SLC16A14: variants seen among roughly 807,000 people sequenced by gnomAD.
SLC16A14 encodes the protein monocarboxylate transporter 14.
Under a neutral mutation model 35.8 loss-of-function variants are expected in SLC16A14, and 14 were observed. The ratio of observed to expected loss-of-function variants is 0.39; its 90% CI spans 0.26 to 0.61. The LOEUF (loss-of-function observed/expected upper bound fraction) is 0.61. SLC16A14 is among the 20% of genes least tolerant of loss of function. The probability of loss-of-function intolerance (pLI) is 0.51; values close to 1 mark genes in which losing one functional copy is unlikely to be tolerated. For synonymous variants in SLC16A14, 248 were observed against 258.9 expected, an observed-to-expected ratio of 0.96 and a Z score of 0.40; for missense variants, 533 against 655.0, an observed-to-expected ratio of 0.81 and a Z score of 2.03.
chr2:230,043,732 G>A (rs1374292834), intron 4 of SLC16A14, among the ~76,000 whole-genome samples: 2 of 152,362 alleles, frequency 1.3e-5, no homozygotes, highest in South Asian at 4.1e-4. Flanking sequence ...CCTCTGCCAT[G>A]CTATGCAGAC....
intron 1 of SLC16A14, among the ~76,000 whole-genome samples, chr2:230,061,826 C>T (rs1030478239): frequency 6.0e-5 from 9 of 150,896 alleles, no homozygotes; most frequent in African/African-American, 2.2e-4. Flanking sequence ...TCTGCAACCT[C>T]TGCATCCTGG....
chr2:230,065,099 C>T (rs1049961002), intron 1 of SLC16A14, among the ~76,000 whole-genome samples: 1 of 152,168 alleles, frequency 6.6e-6, no homozygotes, highest in East Asian at 1.9e-4. Flanking sequence ...ATGATAAGAA[C>T]TTTATATTCT....
At chr2:230,064,890 A>G (rs1028918706) in intron 1 of SLC16A14, among the ~76,000 whole-genome samples, 2 of 152,010 alleles carry the variant, frequency 1.3e-5, no homozygotes. Context: ...CATGCCTGTA[A>G]TCCCAGCTAC....
Position 230,045,809 on chromosome 2 carries a change from G to A in SLC16A14, c.1317C>T (p.Ala439=), listed in dbSNP as rs1168535016. ...CACAGATGATGATGCCGTAGGCATT[G>A]GCCAGGTGTTCAATGCCAACCAAGT... ...TEDLVGIEHL[A]NAYGIIICAN... Residue 439 remains alanine (A), a synonymous_variant, in exon 4 of 5, where the codon GCC becomes GCT. Transcript: ENST00000295190. The A allele has an allele frequency of 1.2e-6, 2 of 1,614,210 alleles. No homozygotes were observed. Among genetic ancestry groups the A allele is most frequent in the Non-Finnish European group, 8.5e-7 (1 of 1,180,042 alleles).
At chr2:230,067,567 T>TCACA (rs1409871891) in intron 1 of SLC16A14, among the ~76,000 whole-genome samples, 48 of 110,654 alleles carry the variant, frequency 4.3e-4, no homozygotes, top group African/African-American at 1.3e-3. Flanking sequence ...TCTCTCTCTC[T>TCACA]CTCTCACACA....
chr2:230,067,571 T>TCTCTCTCACA (rs1269765776), intron 1 of SLC16A14, among the ~76,000 whole-genome samples: 2 of 143,720 alleles, frequency 1.4e-5, no homozygotes, highest in African/African-American at 5.6e-5. Context: ...TCTCTCTCTC[T>TCTCTCTCACA]CACACACACA....
chr2:230,039,903 CTATT>C (rs990147784), intron 4 of SLC16A14, among the ~76,000 whole-genome samples: 10 of 152,256 alleles, frequency 6.6e-5, no homozygotes, highest in Admixed American at 1.3e-4. Flanking sequence ...TTCGTTCAGA[CTATT>C]TATTTACGTT....
intron 2 of SLC16A14, among the ~76,000 whole-genome samples, chr2:230,053,396 A>G (rs971993507): frequency 1.3e-5 from 2 of 152,234 alleles, no homozygotes; most frequent in Non-Finnish European, 2.9e-5. Context: ...ACACTTTTAT[A>G]GAGTAATTCA....
At position 230,035,225 on chromosome 2, in the gene SLC16A14, A is replaced by G. The variant is rs1030851816; in HGVS notation, c.*2155T>C. 3.3e-5 allele frequency: 5 copies of G among 152,552 alleles called. No individual in the cohort carries two copies. Among genetic ancestry groups the G allele is most frequent in the Admixed American group, 1.3e-4 (2 of 15,278 alleles). The allele number at this position is 152,552 out of a possible 1,614,324, so 9.4% of individuals were successfully genotyped here. On this transcript the variant is annotated 3_prime_UTR_variant, in exon 5 of 5. Coordinates refer to ENST00000295190, the MANE Select transcript of SLC16A14 (RefSeq NM_152527.5). ...TTTTTGACAATGGGAACTTCCACTC[A>G]TTCGGTAGAAGTCACCACTTTCAAA...
At chr2:230,053,103 A>T (rs2077675854) in intron 2 of SLC16A14, among the ~76,000 whole-genome samples, 1 of 151,902 alleles carries the variant, frequency 6.6e-6, no homozygotes, top group Non-Finnish European at 1.5e-5. Flanking sequence ...CACCATGCCC[A>T]GCTAATTTTT....
chr2:230,056,134 G>A lies in SLC16A14; in HGVS notation c.259+2960C>T, dbSNP rs1035737404. 9.2e-5 allele frequency among the ~76,000 whole-genome samples: 14 copies of A among 152,014 alleles called. No individual in the cohort carries two copies. In the South Asian group the frequency reaches 2.1e-3, roughly 22 times the overall value. ...CCTTTATTTAATTTTAAAACTATCC[G>A]TATTAATTCCCTTCCAGTAAACATA... On this transcript the variant is annotated intron_variant, in intron 2 of 4. Coordinates refer to ENST00000295190, the MANE Select transcript of SLC16A14 (RefSeq NM_152527.5).
chr2:230,051,116 G>A (rs964675849), intron 2 of SLC16A14, among the ~76,000 whole-genome samples: 4 of 152,100 alleles, frequency 2.6e-5, no homozygotes, highest in African/African-American at 9.7e-5. Context: ...TTTATGAGAC[G>A]CATTCTGATT....
At chr2:230,044,576 G>A (rs542673776) in intron 4 of SLC16A14, among the ~76,000 whole-genome samples, 1 of 152,134 alleles carries the variant, frequency 6.6e-6, no homozygotes, top group Non-Finnish European at 1.5e-5. Flanking sequence ...GGAGCAAGAG[G>A]GCACGCGCCA....
intron 4 of SLC16A14, among the ~76,000 whole-genome samples, chr2:230,037,759 C>T (rs761277579): frequency 6.6e-6 from 1 of 151,384 alleles, no homozygotes; most frequent in Non-Finnish European, 1.5e-5. Context: ...CACCAGTGTT[C>T]CCCGTGCCTA....
In SLC16A14 at chr2:230,049,782, T is replaced by G; in HGVS notation, c.382A>C (p.Ile128Leu). The G allele has an allele frequency of 6.2e-7, 1 of 1,613,798 alleles. No homozygotes were observed. The change falls in exon 3 of 5, where the codon ATT becomes CTT. Residue 128 changes from isoleucine (I) to leucine (L), a missense_variant. By Grantham distance (5) the Ile-to-Leu change is conservative. Transcript: ENST00000295190. ...AYAANVHYLF[I>L]TFGVAAGLGS... ...TTACCAGCTGCGACTCCAAAAGTAA[T>G]GAAGAGATAATGCACGTTTGCAGCA...
At chr2:230,048,718 G>T (rs1035363667) in intron 3 of SLC16A14, among the ~76,000 whole-genome samples, 1 of 152,078 alleles carries the variant, frequency 6.6e-6, no homozygotes, top group Non-Finnish European at 1.5e-5. Flanking sequence ...GAGGTTGGGA[G>T]TTCGAGACCA....
chr2:230,053,396 A>T (rs971993507), intron 2 of SLC16A14, among the ~76,000 whole-genome samples: 4 of 152,234 alleles, frequency 2.6e-5, no homozygotes, highest in African/African-American at 9.6e-5. Context: ...ACACTTTTAT[A>T]GAGTAATTCA....
chr2:230,066,654 T>TG (rs71049619), intron 1 of SLC16A14: 4 of 437,332 alleles, frequency 9.1e-6, no homozygotes, highest in African/African-American at 2.1e-5. Context: ...TTTTTTTTTT[T>TG]GACAGAGTAT....
chr2:230,046,786 G>C lies in SLC16A14; in HGVS notation c.404-64C>G. ...ACATCAGTGGCCATATCCAGAATTCGCAGCAAAGATCACCTGCATTTCCTT... is the reference window on the plus strand; with the variant it reads ...ACATCAGTGGCCATATCCAGAATTCCCAGCAAAGATCACCTGCATTTCCTT... On this transcript the variant is annotated intron_variant, in intron 3 of 4. Coordinates refer to ENST00000295190, the MANE Select transcript of SLC16A14 (RefSeq NM_152527.5). This position sits in a 1 kb window ranked among gnomAD's most constrained non-coding sequence, Gnocchi z 5.0. 1 of 1,497,740 alleles carries C rather than the reference G, an allele frequency of 6.7e-7. No individual in the cohort carries two copies. Among genetic ancestry groups the C allele is most frequent in the South Asian group, 1.3e-5 (1 of 76,464 alleles). 92.8% of individuals were successfully genotyped at this position (1,497,740 alleles called of 1,614,324 possible).
Sources: allele counts gnomAD v4.1 joint callset (sites outside exome capture counted in the v4.1 genomes callset), GRCh38; gene constraint gnomAD v4.1.1; non-coding constraint Gnocchi (gnomAD v3.1); transcripts MANE v1.5; gene names NCBI Gene and HGNC (gene_info 2026-07-23, HGNC 2026-07-21).